SYCP1: variants seen among roughly 807,000 people sequenced by gnomAD.
The protein encoded by SYCP1 is cancer/testis antigen 8.
Under a neutral mutation model 153.1 loss-of-function variants are expected in SYCP1, and 64 were observed. The ratio of observed to expected loss-of-function variants is 0.42; its 90% CI spans 0.34 to 0.51. The LOEUF (loss-of-function observed/expected upper bound fraction) is 0.51. Among genes scored for constraint, SYCP1 ranks in the 20% least tolerant of loss-of-function variants. The pLI, the probability that SYCP1 is intolerant of heterozygous loss-of-function variation, is 0.06. For synonymous variants in SYCP1, 384 were observed against 341.8 expected (o/e 1.12, Z -1.36); for missense variants, 997 against 1,049.0 (o/e 0.95, Z 0.68).
chr1:114,934,297 T>A (rs1478410923), intron 23 of SYCP1, among the ~76,000 whole-genome samples: 1 of 152,130 alleles, frequency 6.6e-6, no homozygotes, highest in Non-Finnish European at 1.5e-5. Context: ...GAATTTCATA[T>A]CCAGCCAAAC....
chr1:114,857,138 A>AAAAAAAAAAAAG, intron 3 of SYCP1, 94 bp from the exon 4 acceptor site: 1 of 398,364 alleles, frequency 2.5e-6, no homozygotes. Flanking sequence ...CTCTCTCTCA[A>AAAAAAAAAAAAG]AAAAAAAAAA....
chr1:114,857,008 C>T (rs1195157967), intron 3 of SYCP1, among the ~76,000 whole-genome samples: 6 of 148,968 alleles, frequency 4.0e-5, no homozygotes, highest in Non-Finnish European at 8.9e-5. Flanking sequence ...CCTGCAGTCC[C>T]AGCTACTTGG....
chr1:114,964,195 C>T (rs1471299858), intron 27 of SYCP1, among the ~76,000 whole-genome samples: 1 of 151,918 alleles, frequency 6.6e-6, no homozygotes, highest in East Asian at 1.9e-4. Flanking sequence ...CTCTTCATAT[C>T]CTTTGCCCAC....
chr1:114,951,789 T>C (rs1671124839), intron 27 of SYCP1, among the ~76,000 whole-genome samples: 1 of 152,192 alleles, frequency 6.6e-6, no homozygotes, highest in Admixed American at 6.6e-5. Flanking sequence ...TGCCCTTTTA[T>C]AGCCACATCC....
At chr1:114,934,114 T>A (rs1052499759) in intron 23 of SYCP1, among the ~76,000 whole-genome samples, 6 of 152,080 alleles carry the variant, frequency 3.9e-5, no homozygotes, top group Non-Finnish European at 7.3e-5. Flanking sequence ...AATTGTCAGA[T>A]TCACCAAAGT....
intron 29 of SYCP1, among the ~76,000 whole-genome samples, chr1:114,984,006 TCTC>T (rs1673335325): frequency 2.0e-5 from 3 of 152,028 alleles, no homozygotes; most frequent in African/African-American, 7.2e-5. Context: ...CTCAAGCAAT[TCTC>T]CTGCTTCAGC....
chr1:114,944,860 CTTAT>C lies in SYCP1; in HGVS notation c.2044-9_2044-6del, dbSNP rs758808137. Reference sequence around the variant, plus strand: ...TATTTTAAGAAACTTTTTTTTTTTGCTTATTTGATAGGTTGAGAAAGCAAAAGTA... The same window carrying C: ...TATTTTAAGAAACTTTTTTTTTTTGCTTGATAGGTTGAGAAAGCAAAAGTA... On this transcript the variant is annotated splice_region_variant and splice_polypyrimidine_tract_variant and intron_variant, in intron 24 of 31. Coordinates refer to ENST00000369522, the MANE Select transcript of SYCP1 (RefSeq NM_003176.4). 1.4e-6 allele frequency: 2 copies of C among 1,474,334 alleles called. No homozygotes were observed. The highest frequency in any genetic ancestry group is 2.7e-5 in the South Asian group (2 of 74,084). The allele number at this position is 1,474,334 out of a possible 1,614,324, so 91.3% of individuals were successfully genotyped here.
intron 2 of SYCP1, 149 bp from the exon 3 acceptor site, chr1:114,856,424 T>G (rs1279956816): frequency 6.6e-6 from 3 of 453,936 alleles, no homozygotes; most frequent in East Asian, 7.2e-5. Flanking sequence ...GAAAAGGCAT[T>G]TGATATTTTA....
intron 8 of SYCP1, among the ~76,000 whole-genome samples, chr1:114,863,385 C>G (rs1406569715): frequency 6.6e-6 from 1 of 152,104 alleles, no homozygotes; most frequent in Non-Finnish European, 1.5e-5. Flanking sequence ...AACCCCATCT[C>G]TACTAAAATA....
At position 114,876,786 on chromosome 1, in the gene SYCP1, G is replaced by A. The variant is rs761905121; in HGVS notation, c.777G>A (p.Lys259=). The A allele has an allele frequency of 1.1e-5, 15 of 1,390,096 alleles. No homozygotes were observed. The highest frequency in any genetic ancestry group is 1.5e-5 in the African/African-American group (1 of 66,134). The allele number at this position is 1,390,096 out of a possible 1,614,324, so 86.1% of individuals were successfully genotyped here. ...KIQHLEQEYK[K]EINDKEKQVS... The stretch of plus-strand genomic sequence containing the variant: ...AACACCTTGAACAAGAATACAAGAA[G>A]GAAATAAATGACAAGGAAAAGCAGG... The change falls in exon 11 of 32, where the codon AAG becomes AAA. Residue 259 remains lysine, a synonymous_variant. Transcript: ENST00000369522.
intron 23 of SYCP1, among the ~76,000 whole-genome samples, chr1:114,931,624 G>GT (rs1051230342): frequency 1.3e-5 from 2 of 152,118 alleles, no homozygotes; most frequent in African/African-American, 4.8e-5. Flanking sequence ...CTGATTGGAT[G>GT]TTTTAATGTT....
At chr1:114,879,934 C>T (rs544083593) in intron 12 of SYCP1, among the ~76,000 whole-genome samples, 6 of 151,990 alleles carry the variant, frequency 3.9e-5, no homozygotes, top group Non-Finnish European at 4.4e-5. Flanking sequence ...TTGAAGTTTC[C>T]ATTTGATTAC....
At chr1:114,857,965 A>C (rs1402416359) in intron 5 of SYCP1, among the ~76,000 whole-genome samples, 1 of 152,066 alleles carries the variant, frequency 6.6e-6, no homozygotes, top group Non-Finnish European at 1.5e-5. Context: ...GGTATCACAG[A>C]ATTTAAAATA....
chr1:114,943,303 A>T (rs192223060), intron 23 of SYCP1, among the ~76,000 whole-genome samples: 12 of 152,120 alleles, frequency 7.9e-5, no homozygotes, highest in Admixed American at 7.9e-4. Context: ...AAGAACATTC[A>T]TAGCACTATT....
intron 27 of SYCP1, among the ~76,000 whole-genome samples, chr1:114,947,566 C>T (rs1214469152): frequency 2.6e-5 from 4 of 151,830 alleles, no homozygotes; most frequent in Non-Finnish European, 5.9e-5. Flanking sequence ...GTAATCCCAG[C>T]ACTTTGGGAG....
chr1:114,968,317 A>G (rs140800510), intron 27 of SYCP1, among the ~76,000 whole-genome samples: 2,328 of 152,286 alleles, frequency 0.015, 55 homozygotes, highest in African/African-American at 0.053. Context: ...AGGTACACCA[A>G]TCAAATGTTG....
chr1:114,924,514 C>T (rs1669126656), intron 21 of SYCP1, among the ~76,000 whole-genome samples: 1 of 152,106 alleles, frequency 6.6e-6, no homozygotes, highest in South Asian at 2.1e-4. Context: ...CTAGGGCGTG[C>T]TTCCTGAAAG....
intron 27 of SYCP1, 111 bp downstream of exon 27, chr1:114,947,431 G>A (rs1670782739): frequency 1.3e-6 from 1 of 748,940 alleles, no homozygotes; most frequent in African/African-American, 1.8e-5. Context: ...ATAACGGGAT[G>A]AGAAAATAAT....
At chr1:114,988,316 T>C (rs1198103927) in intron 30 of SYCP1, among the ~76,000 whole-genome samples, 1 of 151,884 alleles carries the variant, frequency 6.6e-6, no homozygotes, top group East Asian at 1.9e-4. Flanking sequence ...GACATGAATA[T>C]ACAAATTCAC....
Sources: allele counts gnomAD v4.1 joint callset (sites outside exome capture counted in the v4.1 genomes callset), GRCh38; gene constraint gnomAD v4.1.1; transcripts MANE v1.5; gene names NCBI Gene and HGNC (gene_info 2026-07-23, HGNC 2026-07-21).